Variants in EPB41L4A observed in about 807,000 individuals in gnomAD.
The protein encoded by EPB41L4A is band 4.1-like protein 4A.
A neutral mutation model predicts 108.6 loss-of-function variants in EPB41L4A; 100 were observed. The observed-to-expected ratio is 0.92, with a 90% CI of 0.78 to 1.09. EPB41L4A has a LOEUF of 1.09. EPB41L4A is among the 50% of genes least tolerant of loss of function. EPB41L4A has a pLI of 0.00. For synonymous variants in EPB41L4A, 319 were observed against 289.0 expected (o/e 1.10, Z -1.05); for missense variants, 1,030 against 842.7 (o/e 1.22, Z -2.75).
At chr5:112,142,229 G>C (rs1019251588), downstream of EPB41L4A, among the ~76,000 whole-genome samples, 5 of 152,184 alleles carry the variant, frequency 3.3e-5, no homozygotes, top group African/African-American at 1.2e-4. Context: ...CCACGGGATG[G>C]AGTTCCACTG....
chr5:112,194,166 G>A (rs917272466), intron 17 of EPB41L4A, among the ~76,000 whole-genome samples: 4 of 152,016 alleles, frequency 2.6e-5, no homozygotes, highest in African/African-American at 7.3e-5. Context: ...GCCTGAAACC[G>A]CAGAATCTAA....
chr5:112,165,259 A>T, intron 22 of EPB41L4A, 141 bp from the exon 23 acceptor site: 1 of 642,150 alleles, frequency 1.6e-6, no homozygotes, highest in Non-Finnish European at 2.7e-6. Flanking sequence ...AAGCTATTCA[A>T]TAAATGTTCC....
intron 1 of EPB41L4A, among the ~76,000 whole-genome samples, chr5:112,409,787 C>G (rs1275015596): frequency 6.6e-6 from 1 of 152,082 alleles, no homozygotes; most frequent in African/African-American, 2.4e-5. Flanking sequence ...CTAAGGGTTT[C>G]ATGTATAGCA....
chr5:112,342,321 A>G (rs1757369066), intron 1 of EPB41L4A, among the ~76,000 whole-genome samples: 1 of 152,168 alleles, frequency 6.6e-6, no homozygotes. Context: ...TTACAGAAAC[A>G]TGAAATTTAT....
intron 1 of EPB41L4A, among the ~76,000 whole-genome samples, chr5:112,417,117 A>G (rs146145876): frequency 3.3e-3 from 505 of 152,376 alleles, no homozygotes; most frequent in African/African-American, 0.011. Flanking sequence ...ACAGTATTAC[A>G]TAGTTGCTGT....
At chr5:112,367,508 T>C (rs1445462643) in intron 1 of EPB41L4A, among the ~76,000 whole-genome samples, 1 of 152,074 alleles carries the variant, frequency 6.6e-6, no homozygotes, top group African/African-American at 2.4e-5. Context: ...TCCTTCCAGG[T>C]CTTGATGCTC....
At position 112,419,144 on chromosome 5, in the gene EPB41L4A, G is replaced by T; in HGVS notation, c.-105C>A. On this transcript the variant is annotated 5_prime_UTR_variant, in exon 1 of 23. Coordinates refer to ENST00000261486, the MANE Select transcript of EPB41L4A (RefSeq NM_022140.5). ...ATTAATTTATTGTCCGCGCCGTGGC[G>T]AGGGTGAGACGAGCAGCTCCCGGCG... 2.3e-6 allele frequency: 2 copies of T among 857,152 alleles called. No homozygotes were observed. The highest frequency in any genetic ancestry group is 3.8e-6 in the Non-Finnish European group (2 of 529,652). 53.1% of individuals were successfully genotyped at this position (857,152 alleles called of 1,614,324 possible). A position where few individuals can be genotyped will look rare whatever the true frequency, so the allele number is the denominator to read the frequency against.
At chr5:112,270,822 A>G (rs544045673) in intron 4 of EPB41L4A, among the ~76,000 whole-genome samples, 23 of 152,234 alleles carry the variant, frequency 1.5e-4, no homozygotes, top group Admixed American at 2.6e-4. Flanking sequence ...CATGAACATA[A>G]TATCAATCCT....
At chr5:112,174,343 T>G (rs889886631) in intron 18 of EPB41L4A, among the ~76,000 whole-genome samples, 1 of 152,192 alleles carries the variant, frequency 6.6e-6, no homozygotes, top group Admixed American at 6.5e-5. Context: ...TTTTCTTAAT[T>G]TGAGGCACTT....
intron 12 of EPB41L4A, among the ~76,000 whole-genome samples, chr5:112,232,535 A>T (rs368859517): frequency 1.2e-4 from 19 of 152,356 alleles, no homozygotes; most frequent in African/African-American, 4.1e-4. Flanking sequence ...GAGGGGAACT[A>T]GAGTGAGACT....
intron 11 of EPB41L4A, among the ~76,000 whole-genome samples, chr5:112,236,318 T>C (rs1194465021): frequency 1.3e-5 from 2 of 152,200 alleles, no homozygotes; most frequent in Non-Finnish European, 2.9e-5. Flanking sequence ...CTGGTCAGTA[T>C]GGCATAGGCT....
At chr5:112,275,593 G>C (rs1407021706) in intron 3 of EPB41L4A, among the ~76,000 whole-genome samples, 189 bp from the exon 4 acceptor site, 4 of 152,024 alleles carry the variant, frequency 2.6e-5, no homozygotes, top group Non-Finnish European at 5.9e-5. Flanking sequence ...ACAGATAAAA[G>C]ACAGGGCCAA....
At chr5:112,206,379 A>G (rs1762474181) in intron 13 of EPB41L4A, among the ~76,000 whole-genome samples, 1 of 151,618 alleles carries the variant, frequency 6.6e-6, no homozygotes, top group African/African-American at 2.4e-5. Context: ...AAAAAAAAAG[A>G]CTTGCACCCT....
chr5:112,360,297 CT>C (rs1023422238), intron 1 of EPB41L4A, among the ~76,000 whole-genome samples: 1 of 149,104 alleles, frequency 6.7e-6, no homozygotes, highest in African/African-American at 2.6e-5. Flanking sequence ...CCCCTCTCCC[CT>C]TTGCACGGTC....
At chr5:112,281,671 C>A (rs556599849) in intron 2 of EPB41L4A, among the ~76,000 whole-genome samples, 1 of 152,362 alleles carries the variant, frequency 6.6e-6, no homozygotes, top group East Asian at 1.9e-4. Context: ...CATGCGCTGG[C>A]GCAGTTCCCC....
chr5:112,347,149 G>C (rs572010255), intron 1 of EPB41L4A, among the ~76,000 whole-genome samples: 1 of 152,292 alleles, frequency 6.6e-6, no homozygotes, highest in South Asian at 2.1e-4. Flanking sequence ...AACCACAAAA[G>C]TGGGCTACAA....
intron 1 of EPB41L4A, among the ~76,000 whole-genome samples, chr5:112,349,536 G>A (rs1406263413): frequency 6.6e-6 from 1 of 152,216 alleles, no homozygotes; most frequent in African/African-American, 2.4e-5. Flanking sequence ...GCCTAAGAAT[G>A]AGTGAGAGTA....
chr5:112,384,871 T>G (rs1760403954), intron 1 of EPB41L4A, among the ~76,000 whole-genome samples: 1 of 152,158 alleles, frequency 6.6e-6, no homozygotes, highest in Non-Finnish European at 1.5e-5. Context: ...AGACATAATT[T>G]TTTTCCTAGG....
intron 15 of EPB41L4A, among the ~76,000 whole-genome samples, chr5:112,198,993 G>A (rs1040038406): frequency 1.3e-5 from 2 of 152,088 alleles, no homozygotes; most frequent in Admixed American, 1.3e-4. Context: ...GGCGTTCATG[G>A]CTCTCTCTTC....
Sources: gnomAD v4.1 joint callset for allele counts (sites outside exome capture counted in the v4.1 genomes callset) on GRCh38, gnomAD v4.1.1 for gene constraint, MANE v1.5 for transcripts, NCBI Gene and HGNC (gene_info 2026-07-23, HGNC 2026-07-21) for gene names.